The following THBS1 variants were observed in gnomAD, a reference collection of about 807,000 sequenced individuals.
THBS1 encodes the protein thrombospondin 1, also known as thrombospondin-1.
Under a neutral mutation model 126.1 loss-of-function variants are expected in THBS1, and 29 were observed. That is an observed-to-expected ratio of 0.23 (90% CI 0.17 to 0.31). THBS1 has a LOEUF of 0.31. THBS1 is among the 10% of genes least tolerant of loss of function. THBS1 has a pLI of 1.00. For synonymous variants in THBS1, 496 were observed against 577.8 expected (o/e 0.86, Z 2.03); for missense variants, 1,198 against 1,545.2 (o/e 0.78, Z 3.77).
Position 39,597,922 on chromosome 15 carries a change from G to A in THBS1, c.*2553G>A, listed in dbSNP as rs1038763084. ...TTGTGGAGACACTTCGGAAGTAAAT[G>A]TGGATGAGGGAGGAGCTGTCCTTGC... On this transcript the variant is annotated 3_prime_UTR_variant, in exon 22 of 22. Coordinates refer to ENST00000260356, the MANE Select transcript of THBS1 (RefSeq NM_003246.4). 1 of 152,210 alleles carries A rather than the reference G, an allele frequency of 6.6e-6. No homozygotes were observed. The highest frequency in any genetic ancestry group is 2.4e-5 in the African/African-American group (1 of 41,444). 9.4% of individuals were successfully genotyped at this position (152,210 alleles called of 1,614,324 possible).
At chr15:39,591,393 A>G (rs532381655) in intron 15 of THBS1, 43 bp downstream of exon 15, 5 of 1,599,314 alleles carry the variant, frequency 3.1e-6, no homozygotes, top group Middle Eastern at 1.8e-4. Context: ...AGACAGGGAC[A>G]TGCACAGCTT....
chr15:39,589,841 C>T lies in THBS1; in HGVS notation c.1963C>T (p.His655Tyr). 1 of 1,613,984 alleles carries T rather than the reference C, an allele frequency of 6.2e-7. No homozygotes were observed. Among genetic ancestry groups the T allele is most frequent in the Non-Finnish European group, 8.5e-7 (1 of 1,179,898 alleles). The change falls in exon 13 of 22, where the codon CAC (histidine) becomes TAC (tyrosine). Residue 655 changes from histidine (H) to tyrosine (Y), a missense_variant. By Grantham distance (83) the His-to-Tyr change is moderately conservative. This residue lies in a region of THBS1 where 663 missense variants were observed against 860.1 expected (regional missense o/e 0.77). Transcript: ENST00000260356. The surrounding 1 kb of genome is among the most constrained non-coding windows in gnomAD (Gnocchi z 4.7). ...CCGTAACCCCTGCACGGATGGGACC[C>T]ACGACTGCAACAAGAACGCCAAGTG... Reference protein sequence around the residue: ...KPRNPCTDGTHDCNKNAKCNY... With the variant: ...KPRNPCTDGTYDCNKNAKCNY...
chr15:39,586,889 C>A (rs547232984), intron 7 of THBS1: 1 of 152,916 alleles, frequency 6.5e-6, no homozygotes, highest in African/African-American at 2.4e-5. Flanking sequence ...CCGATTACCC[C>A]ACTGCTGTAC....
chr15:39,593,104 C>T lies in THBS1; in HGVS notation c.2872C>T (p.Arg958Cys), dbSNP rs753452485. Residue 958 changes from arginine (R) to cysteine (C), a missense_variant, in exon 18 of 22, where the codon CGC (arginine) becomes TGC (cysteine). By Grantham distance (180) the Arg-to-Cys change is radical. Around this residue, in one of 4 missense-constraint regions of THBS1, gnomAD observed 255 missense variants for 373.9 expected, o/e 0.68. Transcript: ENST00000260356. The surrounding 1 kb of genome is among the most constrained non-coding windows in gnomAD (Gnocchi z 5.9). The stretch of plus-strand genomic sequence containing the variant: ...TGTTGACATCAGTGAGACCGATTTC[C>T]GCCGATTCCAGATGATTCCTCTGGA... ...ENVDISETDFRRFQMIPLDPK... is the reference protein window; with the variant it reads ...ENVDISETDFCRFQMIPLDPK... 81 of 1,597,092 alleles carry T rather than the reference C, an allele frequency of 5.1e-5. No individual in the cohort carries two copies. Among genetic ancestry groups the T allele is most frequent in the Non-Finnish European group, 6.3e-5 (74 of 1,172,512 alleles).
At position 39,593,125 on chromosome 15, in the gene THBS1, C is replaced by A; in HGVS notation, c.2893C>A (p.Leu965Met). The change falls in exon 18 of 22, where the codon CTG becomes ATG. Residue 965 changes from leucine (L) to methionine (M), a missense_variant. This residue lies in a region of THBS1 where 255 missense variants were observed against 373.9 expected (regional missense o/e 0.68). Transcript: ENST00000260356. This position sits in a 1 kb window ranked among gnomAD's most constrained non-coding sequence, Gnocchi z 5.9. ...TDFRRFQMIP[L>M]DPKGTSQNDP... ...TTTCCGCCGATTCCAGATGATTCCT[C>A]TGGACCCCAAAGGGACATCCCAAAA... 1 of 1,600,644 alleles carries A rather than the reference C, an allele frequency of 6.2e-7. No individual in the cohort carries two copies. The highest frequency in any genetic ancestry group is 8.5e-7 in the Non-Finnish European group (1 of 1,174,094).
intron 6 of THBS1, 95 bp downstream of exon 6, chr15:39,584,517 T>G (rs1052245876): frequency 6.6e-7 from 1 of 1,525,726 alleles, no homozygotes; most frequent in Middle Eastern, 2.3e-4. Context: ...AGATTCTTTT[T>G]ATGTTCCATG....
rs534724565 is a variant in THBS1 at position 39,588,530 on chromosome 15, T to C, written c.1476T>C (p.Asn492=). 8 of 1,548,214 alleles carry C rather than the reference T, an allele frequency of 5.2e-6. No individual in the cohort carries two copies. Among genetic ancestry groups the C allele is most frequent in the South Asian group, 5.1e-5 (4 of 78,908 alleles). ...KACKKDACPI[N]GGWGPWSPWD... ...CTGTGGTTCATCTTCTTACAGTCAA[T>C]GGAGGCTGGGGTCCTTGGTCACCAT... Residue 492 remains asparagine (N), a synonymous_variant, in exon 10 of 22, where the codon AAT becomes AAC. Transcript: ENST00000260356.
In THBS1 at chr15:39,585,528, C is replaced by T. The variant is rs1163809174; in HGVS notation, c.1085C>T (p.Thr362Ile). 6.2e-7 allele frequency: 1 copy of T among 1,614,066 alleles called. No homozygotes were observed. Among genetic ancestry groups the T allele is most frequent in the Non-Finnish European group, 8.5e-7 (1 of 1,180,050 alleles). Residue 362 changes from threonine (T) to isoleucine (I), a missense_variant, in exon 7 of 22, where the codon ACA becomes ATA. Thr to Ile is a moderately conservative substitution (Grantham distance 89). Transcript: ENST00000260356. ...CCCATCATGCCCTGCTCCAATGCCACAGTTCCTGATGGAGAATGCTGTCCT... is the reference window on the plus strand; with the variant it reads ...CCCATCATGCCCTGCTCCAATGCCATAGTTCCTGATGGAGAATGCTGTCCT... ...SCPIMPCSNA[T>I]VPDGECCPRC...
At position 39,592,799 on chromosome 15, in the gene THBS1, G is replaced by A. The variant is rs974244107; in HGVS notation, c.2764G>A (p.Asp922Asn). The change falls in exon 17 of 22, where the codon GAC becomes AAC. Residue 922 changes from aspartate (D) to asparagine (N), a missense_variant. This residue lies in a region of THBS1 where 255 missense variants were observed against 373.9 expected (regional missense o/e 0.68). Transcript: ENST00000260356. This position sits in a 1 kb window ranked among gnomAD's most constrained non-coding sequence, Gnocchi z 4.3. ...GCCCAATCCCGACCAGAAGGACTCT[G>A]ACGGTGAGTCATGGGAGCCACTTTC... Reference protein sequence around the residue: ...LVPNPDQKDSDGDGRGDACKD... With the variant: ...LVPNPDQKDSNGDGRGDACKD... 1.2e-6 allele frequency: 2 copies of A among 1,612,002 alleles called. No individual in the cohort carries two copies. The highest frequency in any genetic ancestry group is 1.3e-5 in the African/African-American group (1 of 75,012).
intron 14 of THBS1, 81 bp downstream of exon 14, chr15:39,590,704 T>C: frequency 9.3e-7 from 1 of 1,072,796 alleles, no homozygotes; most frequent in Non-Finnish European, 1.4e-6. Flanking sequence ...GGAAATTACA[T>C]GGCTATAGCA....
chr15:39,585,387 T>G lies in THBS1; in HGVS notation c.1027-83T>G. On this transcript the variant is annotated intron_variant, in intron 6 of 21. Coordinates refer to ENST00000260356, the MANE Select transcript of THBS1 (RefSeq NM_003246.4). ...TGACAGCCCTGACCATGTTTTGGCT[T>G]GTAAAGGAAATGTTACAGGATGTAG... 2.3e-6 allele frequency: 3 copies of G among 1,292,228 alleles called. No homozygotes were observed. In the South Asian group the frequency reaches 3.6e-5, roughly 16 times the overall value. The allele number at this position is 1,292,228 out of a possible 1,614,324, so 80.0% of individuals were successfully genotyped here. A position where few individuals can be genotyped will look rare whatever the true frequency, so the allele number is the denominator to read the frequency against.
intron 7 of THBS1, 32 bp from the exon 8 acceptor site, chr15:39,587,315 A>C (rs1438347957): frequency 6.3e-7 from 1 of 1,594,552 alleles, no homozygotes; most frequent in African/African-American, 1.3e-5. Context: ...CCTAATCATC[A>C]CGTACCTGAT....
At chr15:39,585,283 G>T (rs951168541) in intron 6 of THBS1, among the ~76,000 whole-genome samples, 187 bp from the exon 7 acceptor site, 2 of 152,202 alleles carry the variant, frequency 1.3e-5, no homozygotes, top group African/African-American at 4.8e-5. Flanking sequence ...ACGTAAACTA[G>T]CACTAGAACT....
chr15:39,596,881 A>G lies in THBS1; in HGVS notation c.*1512A>G, dbSNP rs1890460050. The G allele has an allele frequency of 6.6e-6, 1 of 152,244 alleles. No individual in the cohort carries two copies. Among genetic ancestry groups the G allele is most frequent in the South Asian group, 2.1e-4 (1 of 4,836 alleles). The allele number at this position is 152,244 out of a possible 1,614,324, so 9.4% of individuals were successfully genotyped here. A position where few individuals can be genotyped will look rare whatever the true frequency, so the allele number is the denominator to read the frequency against. ...ATGACAAAAGGTGAAACTTACATAC[A>G]AATATTACCTCATTTGTTGTGTGAC... On this transcript the variant is annotated 3_prime_UTR_variant, in exon 22 of 22. Coordinates refer to ENST00000260356, the MANE Select transcript of THBS1 (RefSeq NM_003246.4).
chr15:39,589,783 C>G lies in THBS1; in HGVS notation c.1927-22C>G, dbSNP rs1358435910. The G allele has an allele frequency of 1.3e-6, 2 of 1,574,154 alleles. No homozygotes were observed. The highest frequency in any genetic ancestry group is 3.6e-5 in the Admixed American group (2 of 55,118). ...GAGGATTCTCAAAAGCTCTGTGTAA[C>G]AGCAGCATGGTGTACCCTCAGGTGT... is the stretch of plus-strand genomic sequence containing the variant. On this transcript the variant is annotated intron_variant, in intron 12 of 21. Coordinates refer to ENST00000260356, the MANE Select transcript of THBS1 (RefSeq NM_003246.4). The surrounding 1 kb of genome is among the most constrained non-coding windows in gnomAD (Gnocchi z 4.7).
rs927088326 is a variant in THBS1 at position 39,584,479 on chromosome 15, C to T, written c.1026+57C>T. On this transcript the variant is annotated intron_variant, in intron 6 of 21. Transcript: ENST00000260356. ...CGACGGCTTTTGTTTGAACCTACAT[C>T]TTTGGGGAAATACCCTAATCGCCAC... is the stretch of plus-strand genomic sequence containing the variant. 1.9e-6 allele frequency: 3 copies of T among 1,604,152 alleles called. No individual in the cohort carries two copies. In the African/African-American group the frequency reaches 4.0e-5, roughly 22 times the overall value.
At position 39,587,337 on chromosome 15, in the gene THBS1, TC is replaced by T; in HGVS notation, c.1121-6del. ...ATCACGTACCTGATGAACCTCTGTTTCCCCTGCAGCCAGCGACTCTGCGGAC... is the reference window on the plus strand; with the variant it reads ...ATCACGTACCTGATGAACCTCTGTTTCCCTGCAGCCAGCGACTCTGCGGAC... On this transcript the variant is annotated splice_polypyrimidine_tract_variant and intron_variant, in intron 7 of 21. Transcript: ENST00000260356. 1.2e-6 allele frequency: 2 copies of T among 1,606,848 alleles called. No individual in the cohort carries two copies. The highest frequency in any genetic ancestry group is 1.7e-6 in the Non-Finnish European group (2 of 1,175,268).
At chr15:39,581,670 T>G in intron 1 of THBS1, 159 bp from the exon 2 acceptor site, 1 of 416,532 alleles carries the variant, frequency 2.4e-6, no homozygotes, top group Non-Finnish European at 4.2e-6. Flanking sequence ...CTCTCTCTCA[T>G]GCTCTCTGGA....
rs945420916 is a variant in THBS1 at position 39,592,842 on chromosome 15, G to A, written c.2767+40G>A. ...CCACTTTCTAAGACAGGGACTGCTGGCACAGCTGTGTAGATTGAAGAAATG... is the reference window on the plus strand; with the variant it reads ...CCACTTTCTAAGACAGGGACTGCTGACACAGCTGTGTAGATTGAAGAAATG... On this transcript the variant is annotated intron_variant, in intron 17 of 21. Transcript: ENST00000260356. The surrounding 1 kb of genome is among the most constrained non-coding windows in gnomAD (Gnocchi z 4.3). The A allele has an allele frequency of 3.1e-6, 5 of 1,587,752 alleles. No individual in the cohort carries two copies. Among genetic ancestry groups the A allele is most frequent in the Non-Finnish European group, 4.3e-6 (5 of 1,162,222 alleles).
Sources: allele counts gnomAD v4.1 joint callset (sites outside exome capture counted in the v4.1 genomes callset), GRCh38; gene constraint gnomAD v4.1.1; regional missense constraint gnomAD v4.1.1; non-coding constraint Gnocchi (gnomAD v3.1); transcripts MANE v1.5; gene names NCBI Gene and HGNC (gene_info 2026-07-23, HGNC 2026-07-21).